Variants in PLXDC2 observed in about 807,000 individuals in gnomAD.
The protein encoded by PLXDC2 is plexin domain-containing protein 2.
PLXDC2 carries 40 observed loss-of-function variants against 68.9 expected under a neutral mutation model. That is an observed-to-expected ratio of 0.58 (90% CI 0.45 to 0.76). The LOEUF (loss-of-function observed/expected upper bound fraction) is 0.76. Ranked by LOEUF, PLXDC2 falls within the 30% of genes least tolerant of loss-of-function variation. The pLI, the probability that PLXDC2 is intolerant of heterozygous loss-of-function variation, is 0.00. For missense variants in PLXDC2, 644 were observed against 661.9 expected (o/e 0.97, Z 0.30); for synonymous variants, 243 against 234.2 (o/e 1.04, Z -0.34).
At chr10:20,169,417 T>C (rs150177089) in intron 7 of PLXDC2, among the ~76,000 whole-genome samples, 3 of 152,330 alleles carry the variant, frequency 2.0e-5, no homozygotes, top group South Asian at 4.1e-4. Context: ...ATTCATGTGT[T>C]GTTTGTAATT....
chr10:19,903,324 T>C (rs1453363311), intron 1 of PLXDC2, among the ~76,000 whole-genome samples: 2 of 147,170 alleles, frequency 1.4e-5, no homozygotes, highest in Non-Finnish European at 3.0e-5. Flanking sequence ...TTTGTTGGCT[T>C]TTTTTTTTTT....
chr10:20,080,282 A>G (rs1435300713), intron 4 of PLXDC2, among the ~76,000 whole-genome samples: 1 of 152,158 alleles, frequency 6.6e-6, no homozygotes, highest in Admixed American at 6.5e-5. Flanking sequence ...GAAAGAACTA[A>G]TAGGATAGAT....
chr10:20,257,997 C>CTTTCT (rs1835763468), intron 13 of PLXDC2, among the ~76,000 whole-genome samples: 7 of 84,326 alleles, frequency 8.3e-5, no homozygotes, highest in African/African-American at 3.1e-4. Context: ...TTTTTTCTTT[C>CTTTCT]TTTTTTTTTT....
At chr10:19,828,885 C>A (rs933867565) in intron 1 of PLXDC2, among the ~76,000 whole-genome samples, 6 of 152,102 alleles carry the variant, frequency 3.9e-5, no homozygotes, top group African/African-American at 1.4e-4. Context: ...GCAAAGGCTT[C>A]CCACCTTACC....
intron 4 of PLXDC2, among the ~76,000 whole-genome samples, chr10:20,136,453 T>A (rs986569195): frequency 2.0e-5 from 3 of 152,202 alleles, no homozygotes; most frequent in Non-Finnish European, 4.4e-5. Context: ...TTCTGAGACC[T>A]CATCAAGTTG....
At chr10:19,845,839 G>T (rs577747447) in intron 1 of PLXDC2, among the ~76,000 whole-genome samples, 1 of 152,154 alleles carries the variant, frequency 6.6e-6, no homozygotes, top group Non-Finnish European at 1.5e-5. Context: ...CCATGGAAAA[G>T]GGGCAGTAAC....
At chr10:19,828,660 C>CAA (rs1836622370) in intron 1 of PLXDC2, among the ~76,000 whole-genome samples, 1 of 152,216 alleles carries the variant, frequency 6.6e-6, no homozygotes, top group South Asian at 2.1e-4. Flanking sequence ...ATTGTCTGGA[C>CAA]ATTGCAAAAC....
chr10:20,245,633 A>G (rs1835584065), intron 13 of PLXDC2, 128 bp downstream of exon 13: 2 of 1,073,396 alleles, frequency 1.9e-6, no homozygotes, highest in Non-Finnish European at 2.7e-6. Flanking sequence ...CTGATTTCAC[A>G]CACATGGATG....
At chr10:19,964,547 A>G (rs1431228325) in intron 1 of PLXDC2, among the ~76,000 whole-genome samples, 1 of 152,196 alleles carries the variant, frequency 6.6e-6, no homozygotes, top group Non-Finnish European at 1.5e-5. Flanking sequence ...TAATAAGCAC[A>G]CATCATCCTA....
chr10:20,113,713 G>A (rs767249810), intron 4 of PLXDC2, among the ~76,000 whole-genome samples: 83 of 152,012 alleles, frequency 5.5e-4, no homozygotes, highest in Middle Eastern at 3.4e-3. Flanking sequence ...GTTTGAAGGG[G>A]AAAAATAAAA....
intron 3 of PLXDC2, among the ~76,000 whole-genome samples, chr10:20,059,756 G>A (rs1219293986): frequency 6.6e-6 from 1 of 151,276 alleles, no homozygotes; most frequent in Non-Finnish European, 1.5e-5. Context: ...TCCTCCCAGA[G>A]TATGAGAATG....
At chr10:19,832,790 C>G (rs867596863) in intron 1 of PLXDC2, among the ~76,000 whole-genome samples, 1 of 152,138 alleles carries the variant, frequency 6.6e-6, no homozygotes, top group Non-Finnish European at 1.5e-5. Flanking sequence ...GGAAGAGTCC[C>G]GCGGAGGTGT....
intron 1 of PLXDC2, among the ~76,000 whole-genome samples, chr10:19,920,435 G>A (rs1467524243): frequency 1.3e-5 from 2 of 152,240 alleles, no homozygotes; most frequent in African/African-American, 2.4e-5. Flanking sequence ...ATCCAGAGGA[G>A]CATGTGTTCC....
chr10:19,848,048 G>T (rs371909941), intron 1 of PLXDC2, among the ~76,000 whole-genome samples: 1 of 152,044 alleles, frequency 6.6e-6, no homozygotes, highest in South Asian at 2.1e-4. Flanking sequence ...AGTCTGGTGC[G>T]GTGGCTCATG....
At chr10:20,006,168 G>A (rs560262552) in intron 2 of PLXDC2, among the ~76,000 whole-genome samples, 1 of 151,654 alleles carries the variant, frequency 6.6e-6, no homozygotes, top group Non-Finnish European at 1.5e-5. Flanking sequence ...AACAGAGCGA[G>A]ACTCAGTCTA....
chr10:19,953,650 G>T (rs1834024661), intron 1 of PLXDC2, among the ~76,000 whole-genome samples: 1 of 152,172 alleles, frequency 6.6e-6, no homozygotes, highest in Non-Finnish European at 1.5e-5. Flanking sequence ...AAGATCAGAA[G>T]TCAAAAGACA....
chr10:19,991,875 G>A (rs528423384), intron 1 of PLXDC2, among the ~76,000 whole-genome samples: 2 of 152,168 alleles, frequency 1.3e-5, no homozygotes, highest in Non-Finnish European at 2.9e-5. Flanking sequence ...CCATAGTGAG[G>A]TATTGGCCAT....
chr10:19,978,625 G>C (rs555648503), intron 1 of PLXDC2, among the ~76,000 whole-genome samples: 1 of 152,184 alleles, frequency 6.6e-6, no homozygotes, highest in Non-Finnish European at 1.5e-5. Flanking sequence ...GGTTGTTAGA[G>C]TTTCAGAAAT....
At chr10:20,057,806 G>A (rs1836025239) in intron 3 of PLXDC2, among the ~76,000 whole-genome samples, 1 of 151,914 alleles carries the variant, frequency 6.6e-6, no homozygotes, top group Non-Finnish European at 1.5e-5. Flanking sequence ...GATGCAAAAA[G>A]GATGTCATAA....
Sources: allele counts gnomAD v4.1 joint callset (sites outside exome capture counted in the v4.1 genomes callset), GRCh38; gene constraint gnomAD v4.1.1; transcripts MANE v1.5; gene names NCBI Gene and HGNC (gene_info 2026-07-23, HGNC 2026-07-21).